Variants in CFAP61 observed in about 807,000 individuals in gnomAD.
CFAP61 encodes cilia- and flagella-associated protein 61.
CFAP61 carries 107 observed loss-of-function variants against 135.6 expected under a neutral mutation model. That is an observed-to-expected ratio of 0.79 (90% CI 0.67 to 0.93). The LOEUF is 0.93. Ranked by LOEUF, CFAP61 falls within the 40% of genes least tolerant of loss-of-function variation. The pLI is 0.00. For synonymous variants in CFAP61, 575 were observed against 578.5 expected (o/e 0.99, Z 0.09); for missense variants, 1,507 against 1,556.2 (o/e 0.97, Z 0.53).
At chr20:20,358,027 G>T (rs2059317489) in intron 26 of CFAP61, among the ~76,000 whole-genome samples, 1 of 132,592 alleles carries the variant, frequency 7.5e-6, no homozygotes, top group Non-Finnish European at 1.6e-5. Context: ...AGGGGAGGTG[G>T]TCACACTGAG....
At chr20:20,281,585 T>A (rs139521745) in intron 22 of CFAP61, among the ~76,000 whole-genome samples, 1 of 152,210 alleles carries the variant, frequency 6.6e-6, no homozygotes, top group African/African-American at 2.4e-5. Context: ...CAGCCTTATA[T>A]CTCTGGAATG....
chr20:20,227,973 A>C (rs533740413), intron 17 of CFAP61, among the ~76,000 whole-genome samples: 10 of 152,316 alleles, frequency 6.6e-5, no homozygotes, highest in Admixed American at 3.9e-4. Context: ...TAAGGATCTC[A>C]GTTCTGTATG....
intron 1 of CFAP61, among the ~76,000 whole-genome samples, chr20:20,053,233 AT>A (rs577093729): frequency 4.4e-4 from 65 of 149,282 alleles, no homozygotes; most frequent in African/African-American, 1.4e-3. Flanking sequence ...GGTTAAGAGA[AT>A]TTTTTTTAAT....
intron 14 of CFAP61, among the ~76,000 whole-genome samples, chr20:20,190,841 A>C (rs6035576): frequency 0.012 from 1,837 of 152,246 alleles, 16 homozygotes; most frequent in Middle Eastern, 0.068. Flanking sequence ...CCCTGAGGCC[A>C]GGTATGGTGG....
intron 26 of CFAP61, among the ~76,000 whole-genome samples, chr20:20,356,607 CTG>C (rs1379357907): frequency 2.4e-5 from 1 of 40,914 alleles, no homozygotes; most frequent in Non-Finnish European, 5.2e-5. Context: ...GGTGGTCACA[CTG>C]TGAGGGGAGG....
intron 17 of CFAP61, among the ~76,000 whole-genome samples, chr20:20,218,115 C>T (rs1461546010): frequency 6.6e-6 from 1 of 152,154 alleles, no homozygotes; most frequent in Non-Finnish European, 1.5e-5. Context: ...CAGCTGATTC[C>T]ATGGCTTCCC....
intron 6 of CFAP61, among the ~76,000 whole-genome samples, chr20:20,084,428 GCT>G (rs2046652156): frequency 6.6e-6 from 1 of 151,920 alleles, no homozygotes. Context: ...TGCTGCTGCT[GCT>G]GCTGCTGCTG....
Position 20,298,206 on chromosome 20 carries a change from C to T in CFAP61, c.3242C>T (p.Ala1081Val), listed in dbSNP as rs189288996. Residue 1081 changes from alanine to valine, a missense_variant, in exon 25 of 27, where the codon GCG becomes GTG. Physicochemically the swap from Ala to Val is moderately conservative, Grantham distance 64. Transcript: ENST00000245957. ...GGTTTAGAACTAGTAACCGGCAGTG[C>T]GAAAAATGGGACTTACTTCCGAATT... is the stretch of plus-strand genomic sequence containing the variant. Reference protein sequence around the residue: ...NYGLELVTGSAKNGTYFRIHI... With the variant: ...NYGLELVTGSVKNGTYFRIHI... 1.9e-5 allele frequency: 31 copies of T among 1,613,702 alleles called. No individual in the cohort carries two copies. Among genetic ancestry groups the T allele is most frequent in the East Asian group, 6.7e-5 (3 of 44,892 alleles).
intron 8 of CFAP61, among the ~76,000 whole-genome samples, chr20:20,127,078 T>C (rs2050125400): frequency 6.6e-6 from 1 of 151,700 alleles, no homozygotes. Flanking sequence ...TTTATTGTTT[T>C]TTCTTTATGT....
intron 18 of CFAP61, among the ~76,000 whole-genome samples, chr20:20,230,943 C>A (rs1202999525): frequency 2.6e-5 from 4 of 152,344 alleles, no homozygotes; most frequent in South Asian, 2.1e-4. Context: ...GGACAGTAAC[C>A]TCTTTCTCCA....
At chr20:20,224,210 A>T (rs2048579080) in intron 17 of CFAP61, among the ~76,000 whole-genome samples, 1 of 152,204 alleles carries the variant, frequency 6.6e-6, no homozygotes, top group Non-Finnish European at 1.5e-5. Flanking sequence ...AGCTACTCAC[A>T]TGTACAGTCT....
At chr20:20,067,650 TATATATATA>T (rs1419410908) in intron 2 of CFAP61, among the ~76,000 whole-genome samples, 2 of 137,642 alleles carry the variant, frequency 1.5e-5, no homozygotes, top group African/African-American at 5.8e-5. Flanking sequence ...TCAAAATATA[TATATATATA>T]TATAATATAT....
chr20:20,160,129 G>A (rs1429262774), intron 10 of CFAP61, among the ~76,000 whole-genome samples: 1 of 152,228 alleles, frequency 6.6e-6, no homozygotes, highest in African/African-American at 2.4e-5. Flanking sequence ...AAGCAGAGGA[G>A]GGTGTTGTAG....
intron 25 of CFAP61, chr20:20,323,256 G>C (rs954196409): frequency 1.0e-6 from 1 of 985,264 alleles, no homozygotes. Context: ...TTCAGCCTTC[G>C]TCTTCGATTT....
At chr20:20,323,842 A>G (rs1430689769) in intron 25 of CFAP61, among the ~76,000 whole-genome samples, 5 of 152,216 alleles carry the variant, frequency 3.3e-5, no homozygotes, top group Non-Finnish European at 5.9e-5. Context: ...TACAATGTAT[A>G]TATAAACAAT....
At chr20:20,175,475 T>TG (rs1349150105) in intron 13 of CFAP61, among the ~76,000 whole-genome samples, 86 of 149,908 alleles carry the variant, frequency 5.7e-4, no homozygotes, top group Admixed American at 3.8e-3. Context: ...TAGGGGCTTC[T>TG]GGTTTTTTTT....
intron 18 of CFAP61, among the ~76,000 whole-genome samples, chr20:20,237,637 A>G (rs1266505698): frequency 1.3e-5 from 2 of 152,174 alleles, no homozygotes; most frequent in African/African-American, 4.8e-5. Flanking sequence ...TAACAACAAA[A>G]ATGGATTGAG....
chr20:20,078,744 T>G (rs2046229971), intron 6 of CFAP61, among the ~76,000 whole-genome samples: 1 of 152,034 alleles, frequency 6.6e-6, no homozygotes, highest in South Asian at 2.1e-4. Flanking sequence ...AAATTAAGAC[T>G]CATAAAGTGG....
At chr20:20,195,677 T>C (rs901179387) in intron 15 of CFAP61, among the ~76,000 whole-genome samples, 7 of 152,206 alleles carry the variant, frequency 4.6e-5, no homozygotes, top group African/African-American at 1.7e-4. Flanking sequence ...TACCTTCCTC[T>C]GTAAAAATAT....
Sources: allele counts gnomAD v4.1 joint callset (sites outside exome capture counted in the v4.1 genomes callset), GRCh38; gene constraint gnomAD v4.1.1; transcripts MANE v1.5; gene names NCBI Gene and HGNC (gene_info 2026-07-23, HGNC 2026-07-21).